The following PIR variants were observed in gnomAD, a reference collection of about 807,000 sequenced individuals.
PIR encodes the protein pirin.
PIR carries 22 observed loss-of-function variants against 24.2 expected under a neutral mutation model. The observed-to-expected ratio is 0.91, with a 90% CI of 0.65 to 1.30. The LOEUF is 1.30. PIR is among the 50% of genes most tolerant of loss of function. The pLI, the probability that PIR is intolerant of heterozygous loss-of-function variation, is 0.00. For synonymous variants in PIR, 80 were observed against 79.6 expected (o/e 1.00, Z -0.03); for missense variants, 220 against 220.3 (o/e 1.00, Z 0.01).
At chrX:15,405,068 C>G (rs1050274364) in intron 7 of PIR, among the ~76,000 whole-genome samples, 3 of 111,452 alleles carry the variant, frequency 2.7e-5, no homozygotes, top group African/African-American at 9.8e-5. Context: ...ATTCTTACCC[C>G]GAGAACTGCA....
intron 5 of PIR, among the ~76,000 whole-genome samples, chrX:15,431,388 CA>C (rs1239425697): frequency 1.8e-5 from 2 of 111,634 alleles, no homozygotes; most frequent in Non-Finnish European, 3.8e-5. Flanking sequence ...ACATTGTGGC[CA>C]AAAGCAAATT....
chrX:15,479,473 G>T (rs1468029137), intron 3 of PIR, among the ~76,000 whole-genome samples: 1 of 109,605 alleles, frequency 9.1e-6, no homozygotes, highest in Non-Finnish European at 1.9e-5. Context: ...TATCCCCAAT[G>T]AATTATTTTA....
At chrX:15,445,532 A>G (rs2147050540) in intron 5 of PIR, among the ~76,000 whole-genome samples, 1 of 112,099 alleles carries the variant, frequency 8.9e-6, no homozygotes, top group South Asian at 3.7e-4. Flanking sequence ...CTTAAAGTAT[A>G]ATAATAATTA....
intron 3 of PIR, among the ~76,000 whole-genome samples, chrX:15,476,469 CTAAT>C (rs1298478886): frequency 1.8e-5 from 2 of 111,425 alleles, no homozygotes; most frequent in Non-Finnish European, 3.8e-5. Flanking sequence ...CTTTGCATAA[CTAAT>C]TGTTACAAAG....
intron 4 of PIR, among the ~76,000 whole-genome samples, chrX:15,456,301 T>A (rs1171293798): frequency 8.9e-6 from 1 of 112,288 alleles, no homozygotes; most frequent in East Asian, 2.8e-4. Flanking sequence ...AATGGAAGAA[T>A]CCTCTCTTTG....
intron 7 of PIR, among the ~76,000 whole-genome samples, chrX:15,400,194 T>C (rs1053607182): frequency 8.9e-6 from 1 of 111,816 alleles, no homozygotes; most frequent in African/African-American, 3.3e-5. Context: ...ACTCCATTGA[T>C]TTTCCACTTA....
chrX:15,411,112 C>T (rs1924728978), intron 6 of PIR, among the ~76,000 whole-genome samples: 1 of 111,407 alleles, frequency 9.0e-6, no homozygotes, highest in African/African-American at 3.3e-5. Flanking sequence ...TCACACCCTG[C>T]TACATTTTCC....
chrX:15,446,818 C>A (rs1381570043), intron 5 of PIR, among the ~76,000 whole-genome samples: 4 of 111,888 alleles, frequency 3.6e-5, no homozygotes, highest in African/African-American at 1.3e-4. Flanking sequence ...TCTATAGGGT[C>A]TTGCATGCAG....
chrX:15,396,298 C>T (rs1924133826), intron 8 of PIR, among the ~76,000 whole-genome samples: 1 of 111,415 alleles, frequency 9.0e-6, no homozygotes, highest in Admixed American at 9.6e-5. Context: ...CCTCACAGTT[C>T]ATGGTGGTGC....
intron 4 of PIR, 51 bp from the exon 5 acceptor site, chrX:15,456,105 T>A: frequency 9.8e-7 from 1 of 1,021,545 alleles, no homozygotes; most frequent in Non-Finnish European, 1.4e-6. Context: ...TCCTAATAAG[T>A]CTATAGGTGG....
chrX:15,459,717 G>T lies in PIR; in HGVS notation c.213C>A (p.Gly71=). 1 of 1,187,661 alleles carries T rather than the reference G, an allele frequency of 8.4e-7. No individual in the cohort carries two copies. The highest frequency in any genetic ancestry group is 3.0e-5 in the East Asian group (1 of 33,683). ...CACAGAAGTCTTCATGGGCCATGCT[G>T]CCCCCTTCCAGGAGGTAGGATACCT... ...FETVSYLLEG[G]SMAHEDFCGH... Residue 71 remains glycine (G), a synonymous_variant, in exon 4 of 10, where the codon GGC becomes GGA. Transcript: ENST00000380420.
At chrX:15,401,984 A>C (rs1297524765) in intron 7 of PIR, among the ~76,000 whole-genome samples, 1 of 112,646 alleles carries the variant, frequency 8.9e-6, no homozygotes, top group Non-Finnish European at 1.9e-5. Flanking sequence ...TGAAAAAGAC[A>C]GTCAAACTGC....
chrX:15,439,924 A>T (rs182014167), intron 5 of PIR, among the ~76,000 whole-genome samples: 66 of 111,705 alleles, frequency 5.9e-4, no homozygotes, highest in Non-Finnish European at 1.1e-3. Flanking sequence ...AATCCCTTAA[A>T]TCAGCCACAC....
At chrX:15,471,499 A>G (rs1367157234) in intron 3 of PIR, among the ~76,000 whole-genome samples, 3 of 111,858 alleles carry the variant, frequency 2.7e-5, no homozygotes, top group South Asian at 3.7e-4. Flanking sequence ...GCCTTCCCCA[A>G]TAATGGCCCA....
intron 3 of PIR, among the ~76,000 whole-genome samples, chrX:15,467,531 A>G (rs1193581642): frequency 8.9e-6 from 1 of 111,934 alleles, no homozygotes; most frequent in Non-Finnish European, 1.9e-5. Context: ...ATATACACAA[A>G]GCTGAAAATA....
At chrX:15,433,644 G>A (rs763357296) in intron 5 of PIR, among the ~76,000 whole-genome samples, 2 of 93,579 alleles carry the variant, frequency 2.1e-5, no homozygotes, top group South Asian at 5.8e-4. Context: ...GAAAGAAGGA[G>A]GAAGAAGAGG....
At chrX:15,426,438 C>T (rs1247255273) in intron 5 of PIR, among the ~76,000 whole-genome samples, 1 of 111,585 alleles carries the variant, frequency 9.0e-6, no homozygotes, top group Non-Finnish European at 1.9e-5. Flanking sequence ...CTTACTTGGC[C>T]CTCTGGCTAA....
At chrX:15,480,034 T>G (rs1029833304) in intron 2 of PIR, among the ~76,000 whole-genome samples, 3 of 111,800 alleles carry the variant, frequency 2.7e-5, no homozygotes, top group African/African-American at 9.8e-5. Flanking sequence ...GTAGCTCCCA[T>G]AATTCCCGTG....
intron 4 of PIR, among the ~76,000 whole-genome samples, chrX:15,456,795 C>T (rs1475536126): frequency 8.9e-6 from 1 of 112,410 alleles, no homozygotes; most frequent in East Asian, 2.8e-4. Flanking sequence ...AGTAATGGAA[C>T]CCTCGCTACT....
Sources: gnomAD v4.1 joint callset for allele counts (sites outside exome capture counted in the v4.1 genomes callset) on GRCh38, gnomAD v4.1.1 for gene constraint, MANE v1.5 for transcripts, NCBI Gene and HGNC (gene_info 2026-07-23, HGNC 2026-07-21) for gene names.